Variants in ETS2 observed in about 807,000 individuals in gnomAD.
ETS2 encodes ETS proto-oncogene 2, transcription factor, also known as protein C-ets-2.
In ETS2, 19 loss-of-function variants were observed where a neutral mutation model predicts 54.9. That is an observed-to-expected ratio of 0.35 (90% confidence interval 0.24 to 0.51). ETS2 has a LOEUF of 0.51. ETS2 is among the 20% of genes least tolerant of loss of function. The pLI, the probability that ETS2 is intolerant of heterozygous loss-of-function variation, is 0.97. For synonymous variants in ETS2, 219 were observed against 229.3 expected (o/e 0.95, Z 0.41); for missense variants, 417 against 593.0 (o/e 0.70, Z 3.08).
chr21:38,806,020 T>G lies in ETS2; in HGVS notation c.-101T>G, dbSNP rs986498135. ...CCAGCGTCCGGCCTCCCTGATCGTCTCTGGCCGGCGCCCTCGCCCTCGCCC... is the reference window on the plus strand; with the variant it reads ...CCAGCGTCCGGCCTCCCTGATCGTCGCTGGCCGGCGCCCTCGCCCTCGCCC... On this transcript the variant is annotated 5_prime_UTR_variant, in exon 1 of 10. Coordinates refer to ENST00000360938, the MANE Select transcript of ETS2 (RefSeq NM_005239.6). This position sits in a 1 kb window ranked among gnomAD's most constrained non-coding sequence, Gnocchi z 4.3. 1.6e-6 allele frequency: 2 copies of G among 1,238,736 alleles called. No individual in the cohort carries two copies. Among genetic ancestry groups the G allele is most frequent in the Non-Finnish European group, 2.1e-6 (2 of 968,090 alleles). The allele number at this position is 1,238,736 out of a possible 1,614,324, so 76.7% of individuals were successfully genotyped here.
chr21:38,822,586 C>G, intron 9 of ETS2, 88 bp from the exon 10 acceptor site: 1 of 1,214,958 alleles, frequency 8.2e-7, no homozygotes, highest in Non-Finnish European at 1.2e-6. Context: ...GTGAACATGC[C>G]TCAGAATCAT....
intron 8 of ETS2, among the ~76,000 whole-genome samples, chr21:38,820,570 A>G (rs1000500791): frequency 1.3e-5 from 2 of 152,224 alleles, no homozygotes; most frequent in African/African-American, 4.8e-5. Flanking sequence ...GTTCATTTTA[A>G]TAGTAACATA....
In ETS2 at chr21:38,819,520, G is replaced by A. The variant is rs777149491; in HGVS notation, c.829G>A (p.Asp277Asn). The change falls in exon 8 of 10, where the codon GAC becomes AAC. Residue 277 changes from aspartate to asparagine, a missense_variant. By Grantham distance (23) the Asp-to-Asn change is conservative. Around this residue, in one of 3 missense-constraint regions of ETS2, gnomAD observed 326 missense variants for 426.1 expected, o/e 0.76. Transcript: ENST00000360938. ...TNNSGTPKDH[D>N]SPENGADSFE... Reference sequence around the variant, plus strand: ...TTTGCCAGGGACTCCCAAAGACCACGACTCCCCTGAGAACGGTGCGGACAG... The same window carrying A: ...TTTGCCAGGGACTCCCAAAGACCACAACTCCCCTGAGAACGGTGCGGACAG... 9 of 1,614,016 alleles carry A rather than the reference G, an allele frequency of 5.6e-6. No individual in the cohort carries two copies. The East Asian group carries it at 8.9e-5, about 16-fold the overall frequency.
Position 38,819,707 on chromosome 21 carries a change from G to T in ETS2, c.1016G>T (p.Ser339Ile). 6.2e-7 allele frequency: 1 copy of T among 1,614,102 alleles called. No homozygotes were observed. Among genetic ancestry groups the T allele is most frequent in the Non-Finnish European group, 8.5e-7 (1 of 1,179,980 alleles). ...MSFKDYIQER[S>I]DPVEQGKPVI... ...TTCAAGGATTACATCCAAGAGAGGA[G>T]TGACCCAGTGGAGCAAGGCAAACCA... Residue 339 changes from serine (S) to isoleucine (I), a missense_variant, in exon 8 of 10, where the codon AGT becomes ATT. Transcript: ENST00000360938.
At chr21:38,819,458 T>G (rs961212849) in intron 7 of ETS2, 45 bp from the exon 8 acceptor site, 1 of 1,600,056 alleles carries the variant, frequency 6.2e-7, no homozygotes, top group Non-Finnish European at 8.6e-7. Context: ...CAAGACCAAC[T>G]GTGTCCTGGA....
upstream of ETS2, chr21:38,805,786 C>T (rs1319935255): frequency 2.4e-6 from 2 of 827,750 alleles, no homozygotes; most frequent in Non-Finnish European, 3.2e-6. This position sits in a 1 kb window ranked among gnomAD's most constrained non-coding sequence, Gnocchi z 5.2. Context: ...TTCCCCTCCT[C>T]TTCTCTCTCC....
intron 2 of ETS2, 125 bp downstream of exon 2, chr21:38,810,231 G>T: frequency 1.8e-6 from 1 of 566,270 alleles, no homozygotes; most frequent in Non-Finnish European, 3.1e-6. Flanking sequence ...TTGGCCATGT[G>T]ACTATAGACT....
At chr21:38,819,458 T>A in intron 7 of ETS2, 45 bp from the exon 8 acceptor site, 2 of 1,600,174 alleles carry the variant, frequency 1.2e-6, no homozygotes, top group Non-Finnish European at 1.7e-6. Flanking sequence ...CAAGACCAAC[T>A]GTGTCCTGGA....
Position 38,814,202 on chromosome 21 carries a change from G to A in ETS2, c.185-71G>A. 7.4e-6 allele frequency: 11 copies of A among 1,482,890 alleles called. No homozygotes were observed. Among genetic ancestry groups the A allele is most frequent in the Non-Finnish European group, 1.0e-5 (11 of 1,078,504 alleles). The allele number at this position is 1,482,890 out of a possible 1,614,324, so 91.9% of individuals were successfully genotyped here. On this transcript the variant is annotated intron_variant, in intron 3 of 9. Coordinates refer to ENST00000360938, the MANE Select transcript of ETS2 (RefSeq NM_005239.6). This position sits in a 1 kb window ranked among gnomAD's most constrained non-coding sequence, Gnocchi z 4.2. ...ATTGTTCTTTTCCAAAAACTAAGAT[G>A]TCTCTCCTAAATCTCCACCTGATAT...
chr21:38,809,892 A>G, intron 1 of ETS2, 143 bp from the exon 2 acceptor site: 1 of 593,862 alleles, frequency 1.7e-6, no homozygotes, highest in Non-Finnish European at 3.0e-6. Flanking sequence ...GAGGACAGCC[A>G]TTTAAACAAG....
At chr21:38,809,163 T>C (rs1490400123) in intron 1 of ETS2, among the ~76,000 whole-genome samples, 1 of 152,242 alleles carries the variant, frequency 6.6e-6, no homozygotes, top group Non-Finnish European at 1.5e-5. Context: ...AAATATTATG[T>C]ATGTATAAAA....
At chr21:38,822,442 G>T (rs2060961977) in intron 9 of ETS2, among the ~76,000 whole-genome samples, 1 of 152,124 alleles carries the variant, frequency 6.6e-6, no homozygotes, top group Admixed American at 6.5e-5. Context: ...CTGGGGCCAG[G>T]GAGCAGGGAC....
At position 38,806,280 on chromosome 21, in the gene ETS2, G is replaced by A. The variant is rs763934505; in HGVS notation, c.-1+160G>A. ...GGCGGCTGCTGCGAGGACTCTAGGGGCGCGCGTCTGAGTTCCGCGCCGGCT... is the reference window on the plus strand; with the variant it reads ...GGCGGCTGCTGCGAGGACTCTAGGGACGCGCGTCTGAGTTCCGCGCCGGCT... On this transcript the variant is annotated intron_variant, in intron 1 of 9. Coordinates refer to ENST00000360938, the MANE Select transcript of ETS2 (RefSeq NM_005239.6). The surrounding 1 kb of genome is among the most constrained non-coding windows in gnomAD (Gnocchi z 4.3). Among the ~76,000 whole-genome samples the A allele has an allele frequency of 1.3e-5, 2 of 151,988 alleles. No individual in the cohort carries two copies. Among genetic ancestry groups the A allele is most frequent in the Non-Finnish European group, 2.9e-5 (2 of 67,972 alleles).
In ETS2 at chr21:38,806,433, C is replaced by T. The variant is rs897546367; in HGVS notation, c.-1+313C>T. On this transcript the variant is annotated intron_variant, in intron 1 of 9. Transcript: ENST00000360938. The surrounding 1 kb of genome is among the most constrained non-coding windows in gnomAD (Gnocchi z 4.3). Reference sequence around the variant, plus strand: ...CCAGGGCGCGCTGGCTTGTTTCGCTCGCTTTTGTTTTTAAAAGGAAACGCA... The same window carrying T: ...CCAGGGCGCGCTGGCTTGTTTCGCTTGCTTTTGTTTTTAAAAGGAAACGCA... 49 of 985,398 alleles carry T rather than the reference C, an allele frequency of 5.0e-5. No homozygotes were observed. In the African/African-American group the frequency reaches 8.4e-4, roughly 17 times the overall value. 61.0% of individuals were successfully genotyped at this position (985,398 alleles called of 1,614,324 possible).
upstream of ETS2, chr21:38,805,645 C>T: frequency 8.3e-7 from 1 of 1,204,298 alleles, no homozygotes; most frequent in Non-Finnish European, 1.1e-6. This position sits in a 1 kb window ranked among gnomAD's most constrained non-coding sequence, Gnocchi z 5.2. Context: ...AGCCCCGCCC[C>T]GCGCTCCCTC....
chr21:38,808,960 A>G (rs1734587), intron 1 of ETS2, among the ~76,000 whole-genome samples: 44,794 of 151,676 alleles, frequency 0.3, 7,618 homozygotes, highest in Non-Finnish European at 0.4. Context: ...AGTTTTAGTT[A>G]CTCTATTATC....
chr21:38,805,555 C>T (rs1428757014), upstream of ETS2: 1 of 1,284,006 alleles, frequency 7.8e-7, no homozygotes, highest in Admixed American at 2.3e-5. This position sits in a 1 kb window ranked among gnomAD's most constrained non-coding sequence, Gnocchi z 5.2. Flanking sequence ...GGCCCTGCTC[C>T]CGGGGCCTCA....
Position 38,814,736 on chromosome 21 carries a change from A to G in ETS2, c.305-45A>G, listed in dbSNP as rs886102625. On this transcript the variant is annotated intron_variant, in intron 4 of 9. Transcript: ENST00000360938. The surrounding 1 kb of genome is among the most constrained non-coding windows in gnomAD (Gnocchi z 4.2). ...ATGACAGTGGTCTCACTACCTTTCC[A>G]CTGTTTTTACCTCATGTGTTCCATT... 2.6e-6 allele frequency: 4 copies of G among 1,560,926 alleles called. No homozygotes were observed. Among genetic ancestry groups the G allele is most frequent in the African/African-American group, 2.7e-5 (2 of 73,712 alleles).
rs1439359772 is a variant in ETS2 at position 38,814,162 on chromosome 21, A to C, written c.185-111A>C. 4 of 1,100,918 alleles carry C rather than the reference A, an allele frequency of 3.6e-6. No individual in the cohort carries two copies. The African/African-American group carries it at 6.3e-5, about 17-fold the overall frequency. The allele number at this position is 1,100,918 out of a possible 1,614,324, so 68.2% of individuals were successfully genotyped here. On this transcript the variant is annotated intron_variant, in intron 3 of 9. Transcript: ENST00000360938. The surrounding 1 kb of genome is among the most constrained non-coding windows in gnomAD (Gnocchi z 4.2). ...TACACTGTTTTAAGGAATCATGCCA[A>C]GGTTTGAGATCAAAATTGTTCTTTT...
Sources: gnomAD v4.1 joint callset for allele counts (sites outside exome capture counted in the v4.1 genomes callset) on GRCh38, gnomAD v4.1.1 for gene constraint, gnomAD v4.1.1 regional missense constraint, Gnocchi (gnomAD v3.1) non-coding constraint, MANE v1.5 for transcripts, NCBI Gene and HGNC (gene_info 2026-07-23, HGNC 2026-07-21) for gene names.